Variants in RGL1 observed in about 807,000 individuals in gnomAD.
RGL1 encodes ral guanine nucleotide dissociation stimulator-like 1.
A neutral mutation model predicts 95.2 loss-of-function variants in RGL1; 24 were observed. The observed-to-expected ratio is 0.25, with a 90% CI of 0.18 to 0.35. The LOEUF is 0.35. Among genes scored for constraint, RGL1 ranks in the 10% least tolerant of loss-of-function variants. The pLI is 1.00. For synonymous variants in RGL1, 329 were observed against 344.9 expected, an observed-to-expected ratio of 0.95 and a Z score of 0.51; for missense variants, 715 against 936.3, an observed-to-expected ratio of 0.76 and a Z score of 3.08.
chr1:183,652,693 C>A (rs546781365), intron 1 of RGL1, among the ~76,000 whole-genome samples: 1 of 152,296 alleles, frequency 6.6e-6, no homozygotes, highest in South Asian at 2.1e-4. Flanking sequence ...GACTTGTTTC[C>A]CCAGCAGCTG....
At chr1:183,778,180 G>C (rs16861523) in intron 2 of RGL1, among the ~76,000 whole-genome samples, 3,380 of 152,292 alleles carry the variant, frequency 0.022, 126 homozygotes, top group African/African-American at 0.076. Context: ...CTCACAGGAA[G>C]ATCTAAGGAG....
At chr1:183,743,239 C>G (rs1657422233) in intron 2 of RGL1, among the ~76,000 whole-genome samples, 1 of 152,076 alleles carries the variant, frequency 6.6e-6, no homozygotes, top group Non-Finnish European at 1.5e-5. Context: ...GTCTTGAAGT[C>G]CTAGCCTCAA....
rs1418103960 is a variant in RGL1 at position 183,849,483 on chromosome 1, G to GTTTT, written c.347+1729_347+1732dup. Among the ~76,000 whole-genome samples the GTTTT allele has an allele frequency of 3.0e-3, 367 of 120,738 alleles. 1 individual carries two copies. Among genetic ancestry groups the GTTTT allele is most frequent in the South Asian group, 5.3e-3 (20 of 3,778 alleles). 79.2% of individuals were successfully genotyped at this position (120,738 alleles called of 152,430 possible). A position where few individuals can be genotyped will look rare whatever the true frequency, so the allele number is the denominator to read the frequency against. The stretch of plus-strand genomic sequence containing the variant: ...ACATTTAAGTTTTCTCCAGTTTTTA[G>GTTTT]TTTTTTTTTTTTTTTTTTTTTTTGT... On this transcript the variant is annotated intron_variant, in intron 3 of 17. Transcript: ENST00000360851.
chr1:183,870,247 C>CCTGGA (rs2102606111), intron 4 of RGL1, among the ~76,000 whole-genome samples: 1 of 152,238 alleles, frequency 6.6e-6, no homozygotes, highest in Non-Finnish European at 1.5e-5. Flanking sequence ...CTACGTAGTA[C>CCTGGA]CTGGACGGCC....
At chr1:183,847,175 G>A (rs761005456) in intron 2 of RGL1, among the ~76,000 whole-genome samples, 7 of 152,150 alleles carry the variant, frequency 4.6e-5, no homozygotes, top group Non-Finnish European at 8.8e-5. Flanking sequence ...TAAGCTGCAT[G>A]CAGTGGCTCA....
intron 1 of RGL1, among the ~76,000 whole-genome samples, chr1:183,679,589 C>T (rs1653072595): frequency 6.6e-6 from 1 of 151,638 alleles, no homozygotes; most frequent in African/African-American, 2.4e-5. Flanking sequence ...TATATATGTG[C>T]CACATTTTCT....
intron 2 of RGL1, among the ~76,000 whole-genome samples, chr1:183,797,676 C>T (rs1660768039): frequency 6.6e-6 from 1 of 152,202 alleles, no homozygotes; most frequent in African/African-American, 2.4e-5. Context: ...GACTGGTCAT[C>T]TTTAACCAAA....
At chr1:183,903,428 A>G (rs560185141) in intron 12 of RGL1, among the ~76,000 whole-genome samples, 1 of 152,306 alleles carries the variant, frequency 6.6e-6, no homozygotes, top group South Asian at 2.1e-4. Flanking sequence ...TCATATTCAA[A>G]TGGCATATTT....
upstream of RGL1, among the ~76,000 whole-genome samples, chr1:183,801,398 C>T (rs560382337): frequency 6.6e-6 from 1 of 151,790 alleles, no homozygotes; most frequent in African/African-American, 2.4e-5. Flanking sequence ...GGGTATTAAC[C>T]CCTTATTAGA....
chr1:183,776,394 C>T (rs886633411), intron 2 of RGL1, among the ~76,000 whole-genome samples: 2 of 151,736 alleles, frequency 1.3e-5, no homozygotes, highest in South Asian at 2.1e-4. Flanking sequence ...GTGATCCGCC[C>T]GCCTCGGCCT....
At chr1:183,849,085 T>A (rs550418838) in intron 3 of RGL1, among the ~76,000 whole-genome samples, 95 of 108,692 alleles carry the variant, frequency 8.7e-4, no homozygotes, top group African/African-American at 1.5e-3. Context: ...TTTAAAAAAT[T>A]TTTTTTTTCT....
At chr1:183,714,931 G>A (rs142483453) in intron 1 of RGL1, among the ~76,000 whole-genome samples, 1 of 152,134 alleles carries the variant, frequency 6.6e-6, no homozygotes, top group Non-Finnish European at 1.5e-5. Flanking sequence ...AACTGGGGTG[G>A]AGTGAGGAAG....
chr1:183,669,850 C>T (rs200957971), intron 1 of RGL1, among the ~76,000 whole-genome samples: 14 of 150,526 alleles, frequency 9.3e-5, no homozygotes, highest in South Asian at 6.3e-4. Context: ...AGAGAAGTGG[C>T]GAGAAAAAGG....
chr1:183,866,695 A>C (rs1665859306), intron 4 of RGL1, among the ~76,000 whole-genome samples: 1 of 152,174 alleles, frequency 6.6e-6, no homozygotes, highest in Non-Finnish European at 1.5e-5. Context: ...TTTGATTCTG[A>C]GGAAGATAAG....
chr1:183,647,727 G>A (rs752436718), intron 1 of RGL1: 2 of 1,609,526 alleles, frequency 1.2e-6, no homozygotes, highest in South Asian at 1.1e-5. Flanking sequence ...CTTGCTACTT[G>A]CAAACTGTTC....
At chr1:183,829,164 C>T (rs1296886848) in intron 2 of RGL1, among the ~76,000 whole-genome samples, 1 of 151,998 alleles carries the variant, frequency 6.6e-6, no homozygotes, top group African/African-American at 2.4e-5. Flanking sequence ...GAAGGTGGAT[C>T]AGCCAGGCAT....
chr1:183,912,024 T>C, intron 14 of RGL1, 58 bp from the exon 15 acceptor site: 1 of 1,486,596 alleles, frequency 6.7e-7, no homozygotes, highest in East Asian at 2.3e-5. Context: ...AATATTTGCC[T>C]AATCATGGAT....
intron 2 of RGL1, among the ~76,000 whole-genome samples, chr1:183,777,240 T>G (rs745698726): frequency 2.7e-4 from 41 of 152,248 alleles, no homozygotes; most frequent in South Asian, 1.0e-3. Flanking sequence ...AACTTTATCT[T>G]AATTTTCGTA....
intron 1 of RGL1, among the ~76,000 whole-genome samples, chr1:183,685,293 G>A (rs796722333): frequency 2.0e-5 from 3 of 152,306 alleles, no homozygotes; most frequent in African/African-American, 7.2e-5. Context: ...AGGATCAGCA[G>A]TGCCATCTTG....
Sources: allele counts gnomAD v4.1 joint callset (sites outside exome capture counted in the v4.1 genomes callset), GRCh38; gene constraint gnomAD v4.1.1; transcripts MANE v1.5; gene names NCBI Gene and HGNC (gene_info 2026-07-23, HGNC 2026-07-21).